Variants in NETO1 observed in about 807,000 individuals in gnomAD.
NETO1 encodes neuropilin and tolloid-like protein 1.
In NETO1, 26 loss-of-function variants were observed where a neutral mutation model predicts 61.3. The ratio of observed to expected loss-of-function variants is 0.42; its 90% CI spans 0.31 to 0.59. NETO1 has a LOEUF of 0.59. Among genes scored for constraint, NETO1 ranks in the 20% least tolerant of loss-of-function variants. The pLI is 0.12. For synonymous variants in NETO1, 225 were observed against 225.8 expected (o/e 1.00, Z 0.03); for missense variants, 531 against 662.8 (o/e 0.80, Z 2.18).
intron 4 of NETO1, among the ~76,000 whole-genome samples, chr18:72,805,461 T>C (rs1404166421): frequency 6.6e-6 from 1 of 152,186 alleles, no homozygotes; most frequent in East Asian, 1.9e-4. Context: ...GCTAATACCA[T>C]TGCAATAATT....
rs1185587185 is a variant in NETO1 at position 72,745,396 on chromosome 18, A to T, written c.*2783T>A. ...TATGCTACCATTATTTTGAAAAGTGAATGAAAACTTGAAAAAATAAAATGA... is the reference window on the plus strand; with the variant it reads ...TATGCTACCATTATTTTGAAAAGTGTATGAAAACTTGAAAAAATAAAATGA... On this transcript the variant is annotated 3_prime_UTR_variant, in exon 11 of 11. Coordinates refer to ENST00000327305, the MANE Select transcript of NETO1 (RefSeq NM_138966.5). 2 of 152,200 alleles carry T rather than the reference A, an allele frequency of 1.3e-5. No homozygotes were observed. Among genetic ancestry groups the T allele is most frequent in the African/African-American group, 4.8e-5 (2 of 41,466 alleles). 9.4% of individuals were successfully genotyped at this position (152,200 alleles called of 1,614,324 possible).
chr18:72,839,845 T>C (rs1319324924), intron 4 of NETO1, among the ~76,000 whole-genome samples: 2 of 152,200 alleles, frequency 1.3e-5, no homozygotes, highest in East Asian at 3.9e-4. Context: ...GTATTTACCA[T>C]AATTATATTT....
At chr18:72,834,138 C>T (rs904359035) in intron 4 of NETO1, 37 of 837,596 alleles carry the variant, frequency 4.4e-5, no homozygotes, top group Non-Finnish European at 5.2e-5. Flanking sequence ...TTTAGAGCTT[C>T]GGACAATATT....
intron 7 of NETO1, among the ~76,000 whole-genome samples, chr18:72,776,911 T>G (rs1228475877): frequency 3.3e-5 from 5 of 152,232 alleles, no homozygotes; most frequent in African/African-American, 4.8e-5. Context: ...TTTAAAACTC[T>G]AAGTCCAAAA....
intron 4 of NETO1, among the ~76,000 whole-genome samples, chr18:72,806,767 G>C (rs2072687670): frequency 6.6e-6 from 1 of 151,970 alleles, no homozygotes. Flanking sequence ...CCATTTCTTA[G>C]ACCTGCGATC....
intron 4 of NETO1, among the ~76,000 whole-genome samples, chr18:72,827,448 T>C (rs1175359025): frequency 6.6e-6 from 1 of 152,126 alleles, no homozygotes; most frequent in Non-Finnish European, 1.5e-5. Context: ...TGCAGTACAG[T>C]ATCTGGAACT....
intron 4 of NETO1, among the ~76,000 whole-genome samples, chr18:72,807,836 T>C (rs1280949732): frequency 6.6e-6 from 1 of 152,144 alleles, no homozygotes; most frequent in African/African-American, 2.4e-5. Context: ...TGTTGTTGTA[T>C]GTTGCTGTTG....
chr18:72,855,623 A>G (rs1461906106), intron 4 of NETO1, among the ~76,000 whole-genome samples: 1 of 152,224 alleles, frequency 6.6e-6, no homozygotes, highest in East Asian at 1.9e-4. Context: ...AGCTACTATG[A>G]ACAGCAAGAG....
At chr18:72,803,769 C>T (rs941124817) in intron 4 of NETO1, among the ~76,000 whole-genome samples, 5 of 150,350 alleles carry the variant, frequency 3.3e-5, no homozygotes, top group Non-Finnish European at 5.9e-5. Flanking sequence ...TGCAGTCAGC[C>T]GAGATCACAC....
At chr18:72,857,141 T>C (rs1028922652) in intron 4 of NETO1, among the ~76,000 whole-genome samples, 1 of 152,214 alleles carries the variant, frequency 6.6e-6, no homozygotes, top group African/African-American at 2.4e-5. Flanking sequence ...ATGCCAAATG[T>C]AGGTTTCCCC....
intron 4 of NETO1, among the ~76,000 whole-genome samples, chr18:72,795,954 G>A (rs966193607): frequency 3.9e-5 from 6 of 152,144 alleles, no homozygotes; most frequent in African/African-American, 7.2e-5. Flanking sequence ...ATGAGTGGGC[G>A]AAGGCATCAA....
In NETO1 at chr18:72,749,059, T is replaced by G. The variant is rs2088584594; in HGVS notation, c.1571A>C (p.His524Pro). 4 of 1,611,300 alleles carry G rather than the reference T, an allele frequency of 2.5e-6. No individual in the cohort carries two copies. The highest frequency in any genetic ancestry group is 3.4e-6 in the Non-Finnish European group (4 of 1,177,674). The change falls in exon 10 of 11, where the codon CAT becomes CCT. Residue 524 changes from histidine to proline, a missense_variant. His to Pro is a moderately conservative substitution (Grantham distance 77, BLOSUM62 -2). Coordinates refer to ENST00000327305, the MANE Select transcript of NETO1 (RefSeq NM_138966.5). ...RFCLIGSLSK[H>P]ESEYNTTRV ...CCTAGTTGTGTTGTATTCAGATTCA[T>G]GTTTGCTTAGAGACCCAATGAGGCA...
intron 4 of NETO1, among the ~76,000 whole-genome samples, chr18:72,796,648 T>C (rs1291593567): frequency 6.6e-6 from 1 of 152,122 alleles, no homozygotes; most frequent in Non-Finnish European, 1.5e-5. Context: ...AGCTAATTTT[T>C]TGTACTTTTA....
At chr18:72,854,814 C>G in intron 4 of NETO1, among the ~76,000 whole-genome samples, 1 of 150,176 alleles carries the variant, frequency 6.7e-6, no homozygotes, top group Non-Finnish European at 1.5e-5. Context: ...ACAAGTAATA[C>G]CAAAATATCT....
chr18:72,800,805 T>A (rs957706593), intron 4 of NETO1, among the ~76,000 whole-genome samples: 4 of 152,152 alleles, frequency 2.6e-5, no homozygotes, highest in Non-Finnish European at 5.9e-5. Flanking sequence ...GAATTTAACA[T>A]GTCTCTTCCT....
chr18:72,760,058 G>T (rs1413180220), intron 7 of NETO1, among the ~76,000 whole-genome samples: 1 of 152,164 alleles, frequency 6.6e-6, no homozygotes, highest in Non-Finnish European at 1.5e-5. Context: ...TGAACTACTT[G>T]AAATTGTATT....
chr18:72,812,333 C>A (rs1220516066), intron 4 of NETO1, among the ~76,000 whole-genome samples: 1 of 152,236 alleles, frequency 6.6e-6, no homozygotes, highest in Non-Finnish European at 1.5e-5. Context: ...AGCTTCACTG[C>A]TAGTTAGTCT....
At chr18:72,755,156 G>A (rs1335440972) in intron 8 of NETO1, among the ~76,000 whole-genome samples, 2 of 152,262 alleles carry the variant, frequency 1.3e-5, no homozygotes, top group South Asian at 2.1e-4. Context: ...TGGTGACCAC[G>A]AATTATTAAC....
At chr18:72,812,531 C>A (rs1049958650) in intron 4 of NETO1, among the ~76,000 whole-genome samples, 10 of 152,178 alleles carry the variant, frequency 6.6e-5, no homozygotes, top group African/African-American at 2.4e-4. Flanking sequence ...CTTGCATCTA[C>A]CTCAAAATGA....
Sources: allele counts gnomAD v4.1 joint callset (sites outside exome capture counted in the v4.1 genomes callset), GRCh38; gene constraint gnomAD v4.1.1; transcripts MANE v1.5; gene names NCBI Gene and HGNC (gene_info 2026-07-23, HGNC 2026-07-21).